USHBP1: variants seen among roughly 807,000 people sequenced by gnomAD.
USHBP1 encodes USH1 protein network component harmonin binding protein 1, also known as harmonin-binding protein USHBP1.
USHBP1 carries 67 observed loss-of-function variants against 76.2 expected under a neutral mutation model. That is an observed-to-expected ratio of 0.88 (90% CI 0.72 to 1.08). USHBP1 has a LOEUF of 1.08. Ranked by LOEUF, USHBP1 falls within the 50% of genes least tolerant of loss-of-function variation. USHBP1 has a pLI of 0.00. For synonymous variants in USHBP1, 322 were observed against 362.2 expected, an observed-to-expected ratio of 0.89 and a Z score of 1.26; for missense variants, 931 against 915.0, an observed-to-expected ratio of 1.02 and a Z score of -0.23.
At position 17,249,976 on chromosome 19, in the gene USHBP1, G is replaced by A. The variant is rs2073529416; in HGVS notation, c.*249C>T. 1.9e-6 allele frequency: 1 copy of A among 518,232 alleles called. No homozygotes were observed. Among genetic ancestry groups the A allele is most frequent in the Admixed American group, 3.8e-5 (1 of 26,624 alleles). The allele number at this position is 518,232 out of a possible 1,614,324, so 32.1% of individuals were successfully genotyped here. ...CCCAGGGACCTGGTCCCATAGCCCAGGTTGCTTCTGGCCTGACCCCACTGA... is the reference window on the plus strand; with the variant it reads ...CCCAGGGACCTGGTCCCATAGCCCAAGTTGCTTCTGGCCTGACCCCACTGA... On this transcript the variant is annotated 3_prime_UTR_variant, in exon 13 of 13. Coordinates refer to ENST00000252597, the MANE Select transcript of USHBP1 (RefSeq NM_031941.4).
intron 12 of USHBP1, 87 bp from the exon 13 acceptor site, chr19:17,250,501 C>A (rs2073537302): frequency 6.9e-7 from 1 of 1,444,572 alleles, no homozygotes; most frequent in South Asian, 1.2e-5. Flanking sequence ...AGAATGGGGG[C>A]TCTTTCACAT....
At chr19:17,260,854 C>T (rs2073678259) in intron 4 of USHBP1, among the ~76,000 whole-genome samples, 1 of 152,204 alleles carries the variant, frequency 6.6e-6, no homozygotes, top group Admixed American at 6.5e-5. Context: ...TCTAGTCCAG[C>T]AGGTCCCAAA....
chr19:17,258,135 T>C (rs2073642785), intron 8 of USHBP1, 77 bp downstream of exon 8: 4 of 1,593,328 alleles, frequency 2.5e-6, no homozygotes, highest in African/African-American at 1.3e-5. Flanking sequence ...CGAAACGTGG[T>C]GAGCTCTGGG....
chr19:17,263,925 C>T, intron 3 of USHBP1, 77 bp downstream of exon 3: 1 of 1,441,844 alleles, frequency 6.9e-7, no homozygotes, highest in Non-Finnish European at 9.1e-7. Flanking sequence ...GTGAGCAGAG[C>T]AGGCACATCA....
At chr19:17,251,842 G>C (rs767917862) in intron 11 of USHBP1, 69 bp downstream of exon 11, 17 of 1,518,648 alleles carry the variant, frequency 1.1e-5, no homozygotes, top group East Asian at 2.4e-5. Context: ...TACTGCAGAC[G>C]ACACCCCCGG....
chr19:17,259,510 C>T, intron 6 of USHBP1, 81 bp from the exon 7 acceptor site: 1 of 1,607,338 alleles, frequency 6.2e-7, no homozygotes, highest in Non-Finnish European at 8.5e-7. Context: ...TTCCCTCCCT[C>T]CTGTTGCAGC....
At position 17,251,669 on chromosome 19, in the gene USHBP1, C is replaced by A; in HGVS notation, c.1835G>T (p.Arg612Leu). Residue 612 changes from arginine (R) to leucine (L), a missense_variant, in exon 12 of 13, where the codon CGC becomes CTC. Coordinates refer to ENST00000252597, the MANE Select transcript of USHBP1 (RefSeq NM_031941.4). ...CTGAGCCACCTGTTCCAGCTCCCTG[C>A]GCAGAGACTGCAGCTGCTCCTGCAG... The part of the protein sequence containing the change: ...LDLQEQLQSL[R>L]RELEQVAQKG... The A allele has an allele frequency of 6.2e-7, 1 of 1,613,750 alleles. No individual in the cohort carries two copies. Among genetic ancestry groups the A allele is most frequent in the Non-Finnish European group, 8.5e-7 (1 of 1,180,010 alleles).
Position 17,262,581 on chromosome 19 carries a change from G to A in USHBP1, c.613C>T (p.Arg205Ter), listed in dbSNP as rs776013638. ...VRTQASLEAI[R>*]AEKETLQKEV... Reference sequence around the variant, plus strand: ...TTCTGCAGCGTCTCCTTCTCAGCTCGGATGGCCTCCAGGGAGGCCTGCGTG... The same window carrying A: ...TTCTGCAGCGTCTCCTTCTCAGCTCAGATGGCCTCCAGGGAGGCCTGCGTG... The change falls in exon 4 of 13, where the codon CGA (arginine) becomes TGA (stop). Residue 205 changes from arginine to a stop codon, truncating the protein, a stop_gained. Coordinates refer to ENST00000252597, the MANE Select transcript of USHBP1 (RefSeq NM_031941.4). LOFTEE classifies it high-confidence loss of function. 7.5e-6 allele frequency: 12 copies of A among 1,610,300 alleles called. No individual in the cohort carries two copies. In the Admixed American group the frequency reaches 1.0e-4, roughly 13 times the overall value.
At chr19:17,257,600 C>T (rs1364410453) in intron 8 of USHBP1, among the ~76,000 whole-genome samples, 2 of 146,716 alleles carry the variant, frequency 1.4e-5, no homozygotes, top group Non-Finnish European at 3.0e-5. Context: ...CGAGATCGGA[C>T]CATTGGACTC....
chr19:17,261,491 A>G (rs1489107198), intron 4 of USHBP1, among the ~76,000 whole-genome samples: 7 of 149,498 alleles, frequency 4.7e-5, no homozygotes, highest in Admixed American at 1.3e-4. Flanking sequence ...ACCCGCCACC[A>G]CGCCGGCTAA....
At chr19:17,253,203 C>T (rs1042486988) in intron 10 of USHBP1, among the ~76,000 whole-genome samples, 23 of 151,902 alleles carry the variant, frequency 1.5e-4, no homozygotes, top group African/African-American at 5.6e-4. Context: ...CTCCTGACCT[C>T]GTGATCCGCC....
chr19:17,256,277 T>C (rs1194522916), intron 9 of USHBP1, among the ~76,000 whole-genome samples, 194 bp downstream of exon 9: 3 of 151,964 alleles, frequency 2.0e-5, no homozygotes, highest in Non-Finnish European at 2.9e-5. Flanking sequence ...AGAGCCAGAT[T>C]TGTAGTCTAA....
In USHBP1 at chr19:17,255,620, G is replaced by A. The variant is rs1249561817; in HGVS notation, c.1471-14C>T. The A allele has an allele frequency of 1.3e-6, 2 of 1,595,334 alleles. No homozygotes were observed. The highest frequency in any genetic ancestry group is 1.9e-4 in the Middle Eastern group (1 of 5,222). ...CGCCAGGGCCTCCTGTGGGACCAAG[G>A]AGAGGGGAGAGAATTTATGCTTCTA... On this transcript the variant is annotated splice_polypyrimidine_tract_variant and intron_variant, in intron 9 of 12. Coordinates refer to ENST00000252597, the MANE Select transcript of USHBP1 (RefSeq NM_031941.4).
chr19:17,259,329 C>T lies in USHBP1; in HGVS notation c.1006G>A (p.Glu336Lys). 2 of 1,614,088 alleles carry T rather than the reference C, an allele frequency of 1.2e-6. No individual in the cohort carries two copies. Among genetic ancestry groups the T allele is most frequent in the Non-Finnish European group, 1.7e-6 (2 of 1,180,008 alleles). ...EGLSMQLGQREAEATALHLAL... is the reference protein window; with the variant it reads ...EGLSMQLGQRKAEATALHLAL... ...AGATGCAATGCTGTGGCCTCAGCCT[C>T]CCGCTGGCCTAGCTGCATGCTGAGG... The change falls in exon 7 of 13, where the codon GAG (glutamate) becomes AAG (lysine). Residue 336 changes from glutamate (E) to lysine (K), a missense_variant. Physicochemically the swap from Glu to Lys is moderately conservative, Grantham distance 56 (BLOSUM62 1). Coordinates refer to ENST00000252597, the MANE Select transcript of USHBP1 (RefSeq NM_031941.4).
chr19:17,253,840 G>A (rs2073583928), intron 10 of USHBP1, among the ~76,000 whole-genome samples: 2 of 148,314 alleles, frequency 1.3e-5, no homozygotes, highest in African/African-American at 5.0e-5. Flanking sequence ...ATTGCAGTGA[G>A]CCAAGATCGC....
chr19:17,253,043 A>G (rs2073571940), intron 10 of USHBP1, among the ~76,000 whole-genome samples: 1 of 151,686 alleles, frequency 6.6e-6, no homozygotes, highest in Non-Finnish European at 1.5e-5. Context: ...ATCTCAGCTC[A>G]CTGCCAGCTC....
chr19:17,256,421 A>AT, intron 9 of USHBP1, 50 bp downstream of exon 9: 1 of 1,604,248 alleles, frequency 6.2e-7, no homozygotes, highest in Non-Finnish European at 8.5e-7. Context: ...TCAGTAAAGG[A>AT]TTTTGTCCCA....
rs781749530 is a variant in USHBP1 at position 17,259,401 on chromosome 19, G to A, written c.934C>T (p.Arg312Cys). The A allele has an allele frequency of 1.1e-5, 17 of 1,614,018 alleles. No homozygotes were observed. Among genetic ancestry groups the A allele is most frequent in the East Asian group, 2.2e-5 (1 of 44,898 alleles). Residue 312 changes from arginine (R) to cysteine (C), a missense_variant, in exon 7 of 13, where the codon CGT becomes TGT. Arg to Cys is a radical substitution (Grantham distance 180). Transcript: ENST00000252597. ...GSIEKLKCFN[R>C]LLSAVLQGYK... ...CCCTGTAGCACAGCTGATAGCAGAC[G>A]ATTAAAGCATTTGAGCTTCTCAATG...
chr19:17,262,730 C>G lies in USHBP1; in HGVS notation c.464G>C (p.Gly155Ala), dbSNP rs1422705898. The G allele has an allele frequency of 1.9e-6, 3 of 1,614,258 alleles. No homozygotes were observed. The highest frequency in any genetic ancestry group is 2.2e-5 in the East Asian group (1 of 44,886). The change falls in exon 4 of 13, where the codon GGG becomes GCG. Residue 155 changes from glycine (G) to alanine (A), a missense_variant. By Grantham distance (60) the Gly-to-Ala change is moderately conservative (BLOSUM62 0). Transcript: ENST00000252597. The stretch of plus-strand genomic sequence containing the variant: ...CTGCTTCCCAAGGGAACCTGCTCCC[C>G]CTTCGCTTGTGCCTTCGAACTCCAT... ...GPMEFEGTSE[G>A]GAGSLGKQEG...
Sources: gnomAD v4.1 joint callset for allele counts (sites outside exome capture counted in the v4.1 genomes callset) on GRCh38, gnomAD v4.1.1 for gene constraint, MANE v1.5 for transcripts, NCBI Gene and HGNC (gene_info 2026-07-23, HGNC 2026-07-21) for gene names.